Variants in PSEN1 observed in about 807,000 individuals in gnomAD.
PSEN1 encodes presenilin-1.
Under a neutral mutation model 53.5 loss-of-function variants are expected in PSEN1, and 15 were observed. The observed-to-expected ratio is 0.28, with a 90% confidence interval of 0.19 to 0.43. The LOEUF is 0.43. Ranked by LOEUF, PSEN1 falls within the 20% of genes least tolerant of loss-of-function variation. The pLI, the probability that PSEN1 is intolerant of heterozygous loss-of-function variation, is 1.00. For missense variants in PSEN1, 387 were observed against 571.2 expected (o/e 0.68, Z 3.29); for synonymous variants, 208 against 209.8 (o/e 0.99, Z 0.08).
intron 8 of PSEN1, among the ~76,000 whole-genome samples, chr14:73,203,333 C>T (rs1899308006): frequency 6.6e-6 from 1 of 152,068 alleles, no homozygotes; most frequent in Non-Finnish European, 1.5e-5. Context: ...GGTGATCTAC[C>T]CGCCTCACCC....
intron 1 of PSEN1, among the ~76,000 whole-genome samples, chr14:73,140,170 G>T (rs974595985): frequency 1.4e-5 from 2 of 145,724 alleles, no homozygotes; most frequent in Non-Finnish European, 3.0e-5. Context: ...TCTGAAATCC[G>T]AAAACTAAAA....
intron 9 of PSEN1, among the ~76,000 whole-genome samples, chr14:73,210,405 C>T (rs183915167): frequency 8.5e-5 from 13 of 152,292 alleles, no homozygotes; most frequent in South Asian, 4.1e-4. Context: ...GGAAGAGTTA[C>T]ATTTGCGTGC....
intron 6 of PSEN1, chr14:73,190,133 A>G (rs1011215679): frequency 2.0e-5 from 3 of 152,292 alleles, no homozygotes; most frequent in African/African-American, 7.2e-5. Context: ...GAAGAAATAG[A>G]TATTTTAAGT....
chr14:73,180,390 CACAA>C (rs1459351271), intron 5 of PSEN1, among the ~76,000 whole-genome samples: 6 of 152,194 alleles, frequency 3.9e-5, no homozygotes, highest in Admixed American at 2.0e-4. Flanking sequence ...TCTTAGCACA[CACAA>C]ACAATTATAT....
At chr14:73,158,117 T>C (rs1035141879) in intron 3 of PSEN1, among the ~76,000 whole-genome samples, 3 of 152,190 alleles carry the variant, frequency 2.0e-5, no homozygotes, top group Non-Finnish European at 2.9e-5. Context: ...TATTTACTTG[T>C]TGGTAGATAT....
At chr14:73,149,416 A>G (rs214273) in intron 3 of PSEN1, among the ~76,000 whole-genome samples, 114,216 of 152,054 alleles carry the variant, frequency 0.75, 44,264 homozygotes, top group African/African-American at 0.93. Flanking sequence ...CAAAAGGCTG[A>G]AAGGCCACTC....
At chr14:73,161,031 G>C (rs1897520624) in intron 3 of PSEN1, among the ~76,000 whole-genome samples, 1 of 144,718 alleles carries the variant, frequency 6.9e-6, no homozygotes, top group African/African-American at 2.6e-5. Context: ...GAGTAAAGTA[G>C]TGATGTAATC....
intron 5 of PSEN1, among the ~76,000 whole-genome samples, chr14:73,183,921 G>C (rs112850015): frequency 6.9e-6 from 1 of 144,620 alleles, no homozygotes; most frequent in Non-Finnish European, 1.5e-5. Context: ...CTGGCCGGGC[G>C]GGGGGCTGAC....
intron 8 of PSEN1, among the ~76,000 whole-genome samples, chr14:73,198,393 G>T (rs1899044430): frequency 6.6e-6 from 1 of 152,330 alleles, no homozygotes; most frequent in East Asian, 1.9e-4. Context: ...CCTGTTAGGA[G>T]TTGTTGATTA....
chr14:73,215,096 G>A (rs1250597967), intron 10 of PSEN1, among the ~76,000 whole-genome samples: 1 of 151,924 alleles, frequency 6.6e-6, no homozygotes, highest in African/African-American at 2.4e-5. Context: ...GAGTAGCTGG[G>A]ACTACAGGCA....
chr14:73,212,073 A>T, intron 10 of PSEN1, 131 bp downstream of exon 10: 1 of 236,894 alleles, frequency 4.2e-6, no homozygotes, highest in East Asian at 1.1e-4. Context: ...TTATTTGGAT[A>T]TATCAGTAAT....
At chr14:73,165,349 C>T (rs1356542951) in intron 3 of PSEN1, among the ~76,000 whole-genome samples, 2 of 152,180 alleles carry the variant, frequency 1.3e-5, no homozygotes, top group African/African-American at 4.8e-5. Context: ...ACGATTCTGG[C>T]TCAAACGAAT....
rs991164419 is a variant in PSEN1, at chr14:73,219,983, C to G, written c.*694C>G. 2 of 152,464 alleles carry G rather than the reference C, an allele frequency of 1.3e-5. No individual in the cohort carries two copies. Among genetic ancestry groups the G allele is most frequent in the African/African-American group, 4.8e-5 (2 of 41,456 alleles). 9.4% of individuals were successfully genotyped at this position (152,464 alleles called of 1,614,324 possible). On this transcript the variant is annotated 3_prime_UTR_variant, in exon 12 of 12. Coordinates refer to ENST00000324501, the MANE Select transcript of PSEN1 (RefSeq NM_000021.4). ...ACCGTCTGTGATTGCCATTTCTTCC[C>G]AAGGCCAGTCTGAACCTGAGGTTGC...
chr14:73,174,177 T>C (rs1897978539), intron 5 of PSEN1: 1 of 189,876 alleles, frequency 5.3e-6, no homozygotes, highest in South Asian at 1.1e-4. Context: ...AAAAAAGTTG[T>C]AACTGAAAAA....
rs1302332021 is a variant in PSEN1 at position 73,222,240 on chromosome 14, C to A, written c.*2951C>A. 6.6e-6 allele frequency: 1 copy of A among 152,070 alleles called. No homozygotes were observed. Among genetic ancestry groups the A allele is most frequent in the African/African-American group, 2.4e-5 (1 of 41,400 alleles). The allele number at this position is 152,070 out of a possible 1,614,324, so 9.4% of individuals were successfully genotyped here. On this transcript the variant is annotated 3_prime_UTR_variant, in exon 12 of 12. Transcript: ENST00000324501. ...TTGGAAGAAAACAGTCATAAGTAAG[C>A]AATTTGTTGATTTTACTACAGAAGC...
chr14:73,184,829 GGGGCTCCTC>G (rs1158382473), intron 5 of PSEN1, among the ~76,000 whole-genome samples: 2 of 151,538 alleles, frequency 1.3e-5, no homozygotes, highest in African/African-American at 4.9e-5. Flanking sequence ...GCCGGGCGGA[GGGGCTCCTC>G]ACTTCCCAGA....
chr14:73,146,946 T>C (rs12586604), intron 1 of PSEN1, among the ~76,000 whole-genome samples: 6,377 of 151,994 alleles, frequency 0.042, 363 homozygotes, highest in African/African-American at 0.12. Context: ...GTGGCCCCCC[T>C]AGGAGGGTGA....
chr14:73,212,115 TTTTTTTTTTTTTTTG>T (rs1899724242), intron 10 of PSEN1, among the ~76,000 whole-genome samples, 173 bp downstream of exon 10: 1 of 98,100 alleles, frequency 1.0e-5, no homozygotes, highest in African/African-American at 4.3e-5. Context: ...TTTTTTTTTT[TTTTTTTTTTTTTTTG>T]AGACAGAGTC....
At chr14:73,170,526 A>G (rs1274573729) in intron 3 of PSEN1, among the ~76,000 whole-genome samples, 1 of 152,254 alleles carries the variant, frequency 6.6e-6, no homozygotes, top group Non-Finnish European at 1.5e-5. Context: ...TTTAAGGTAC[A>G]TCTCAAAGGA....
Sources: allele counts gnomAD v4.1 joint callset (sites outside exome capture counted in the v4.1 genomes callset), GRCh38; gene constraint gnomAD v4.1.1; transcripts MANE v1.5; gene names NCBI Gene and HGNC (gene_info 2026-07-23, HGNC 2026-07-21).